The following EPHB1 variants were observed in gnomAD, a reference collection of about 807,000 sequenced individuals.
EPHB1 encodes the protein ephrin type-B receptor 1.
A neutral mutation model predicts 94.4 loss-of-function variants in EPHB1; 30 were observed. The observed-to-expected ratio is 0.32, with a 90% CI of 0.24 to 0.43. EPHB1 has a LOEUF of 0.43. Ranked by LOEUF, EPHB1 falls within the 20% of genes least tolerant of loss-of-function variation. The pLI is 1.00. For missense variants in EPHB1, 1,055 were observed against 1,308.3 expected, an observed-to-expected ratio of 0.81 and a Z score of 2.99; for synonymous variants, 522 against 489.1, an observed-to-expected ratio of 1.07 and a Z score of -0.89.
chr3:135,239,420 A>C (rs1318492254), intron 12 of EPHB1, among the ~76,000 whole-genome samples: 1 of 152,118 alleles, frequency 6.6e-6, no homozygotes, highest in Non-Finnish European at 1.5e-5. Flanking sequence ...CTTTCAGTGG[A>C]GGCATGAAGT....
chr3:135,173,425 C>G (rs9866254), intron 9 of EPHB1, among the ~76,000 whole-genome samples: 6,859 of 152,174 alleles, frequency 0.045, 200 homozygotes, highest in Middle Eastern at 0.11. Context: ...GGGGCAGATC[C>G]CAAAAATGTG....
At chr3:135,112,448 T>C (rs970736217) in intron 4 of EPHB1, among the ~76,000 whole-genome samples, 2 of 152,092 alleles carry the variant, frequency 1.3e-5, no homozygotes, top group African/African-American at 4.8e-5. Context: ...AACGTGCAGG[T>C]TTGTTACATA....
intron 12 of EPHB1, among the ~76,000 whole-genome samples, chr3:135,214,099 C>T (rs978568631): frequency 1.3e-5 from 2 of 152,162 alleles, no homozygotes; most frequent in African/African-American, 4.8e-5. Flanking sequence ...CCGCCAGTTC[C>T]TCCTCCTCCT....
intron 3 of EPHB1, among the ~76,000 whole-genome samples, chr3:134,991,244 A>T (rs1934784993): frequency 6.6e-6 from 1 of 152,190 alleles, no homozygotes; most frequent in Non-Finnish European, 1.5e-5. Context: ...CCCAAGCCAC[A>T]GTTTAATTGC....
chr3:135,241,169 T>C lies in EPHB1; in HGVS notation c.2368T>C (p.Trp790Arg), dbSNP rs1407276446. ...SSLGGKIPVR[W>R]TAPEAIAYRK... ...TCAGGGAGGGAAGATCCCTGTGAGA[T>C]GGACAGCTCCAGAGGCCATCGCCTA... The change falls in exon 13 of 16, where the codon TGG (tryptophan) becomes CGG (arginine). Residue 790 changes from tryptophan (W) to arginine (R), a missense_variant. Coordinates refer to ENST00000398015, the MANE Select transcript of EPHB1 (RefSeq NM_004441.5). The C allele has an allele frequency of 6.2e-7, 1 of 1,614,136 alleles. No individual in the cohort carries two copies. Among genetic ancestry groups the C allele is most frequent in the South Asian group, 1.1e-5 (1 of 91,078 alleles).
At chr3:135,164,806 CAAAAAAAAA>C (rs59870139) in intron 7 of EPHB1, among the ~76,000 whole-genome samples, 2 of 86,408 alleles carry the variant, frequency 2.3e-5, no homozygotes, top group African/African-American at 4.7e-5. Flanking sequence ...AAGACTGTCT[CAAAAAAAAA>C]AAAAAAAAAA....
chr3:135,102,048 G>GGGGCTCCCAACTGCAGCAGTA (rs1939052963), intron 3 of EPHB1, among the ~76,000 whole-genome samples: 1 of 152,156 alleles, frequency 6.6e-6, no homozygotes, highest in African/African-American at 2.4e-5. Context: ...TGTTGAATGA[G>GGGGCTCCCAACTGCAGCAGTA]GGGCTCCCAA....
At chr3:134,993,750 T>G (rs1475240233) in intron 3 of EPHB1, among the ~76,000 whole-genome samples, 1 of 152,240 alleles carries the variant, frequency 6.6e-6, no homozygotes, top group Non-Finnish European at 1.5e-5. Context: ...CCCTTAAATG[T>G]CAGACTAGTC....
chr3:135,122,474 C>A (rs1158604170), intron 4 of EPHB1, among the ~76,000 whole-genome samples: 2 of 152,160 alleles, frequency 1.3e-5, no homozygotes, highest in African/African-American at 4.8e-5. Flanking sequence ...CCTTTCCACT[C>A]TTTGGCCCCA....
At chr3:135,052,955 A>ATATATG (rs1559810944) in intron 3 of EPHB1, among the ~76,000 whole-genome samples, 4 of 110,590 alleles carry the variant, frequency 3.6e-5, no homozygotes, top group African/African-American at 1.6e-4. Context: ...ATATATATAT[A>ATATATG]TGTGTGTATA....
chr3:134,973,565 G>A (rs748301940), intron 3 of EPHB1, among the ~76,000 whole-genome samples: 3 of 150,926 alleles, frequency 2.0e-5, no homozygotes, highest in Admixed American at 6.6e-5. Flanking sequence ...CTGAGTAGCC[G>A]GGATTACAGG....
chr3:135,188,202 AT>A (rs201781393), intron 10 of EPHB1, among the ~76,000 whole-genome samples: 38,544 of 150,090 alleles, frequency 0.26, 5,252 homozygotes, highest in East Asian at 0.46. Context: ...GTCTAAAAAA[AT>A]AAATAAATAA....
At chr3:135,149,200 T>C (rs139734223) in intron 5 of EPHB1, among the ~76,000 whole-genome samples, 1,791 of 152,356 alleles carry the variant, frequency 0.012, 23 homozygotes, top group Admixed American at 0.017. Context: ...GAAGGGTCCA[T>C]ATTTGTTTCT....
chr3:135,095,236 G>T (rs1251137755), intron 3 of EPHB1, among the ~76,000 whole-genome samples: 1 of 152,018 alleles, frequency 6.6e-6, no homozygotes, highest in Non-Finnish European at 1.5e-5. Context: ...GGCTTTCTGG[G>T]GTCAGCAGGA....
At chr3:134,804,843 A>T (rs2036006366) in intron 1 of EPHB1, among the ~76,000 whole-genome samples, 1 of 152,122 alleles carries the variant, frequency 6.6e-6, no homozygotes, top group African/African-American at 2.4e-5. Flanking sequence ...TGAGGAGAGA[A>T]ATCCCTCAGC....
At chr3:134,796,833 G>A (rs1183286776) in intron 1 of EPHB1, among the ~76,000 whole-genome samples, 1 of 152,268 alleles carries the variant, frequency 6.6e-6, no homozygotes, top group Non-Finnish European at 1.5e-5. Context: ...TCCAAGCCGG[G>A]GAGGAGCAGC....
intron 4 of EPHB1, among the ~76,000 whole-genome samples, chr3:135,121,438 G>C (rs1939958004): frequency 6.6e-6 from 1 of 152,256 alleles, no homozygotes; most frequent in African/African-American, 2.4e-5. Context: ...GAACTCTGTA[G>C]AAGTTCTGTC....
At position 135,132,917 on chromosome 3, in the gene EPHB1, T is replaced by G. The variant is rs777379495; in HGVS notation, c.1165T>G (p.Cys389Gly). The change falls in exon 5 of 16, where the codon TGC becomes GGC. Residue 389 changes from cysteine to glycine, a missense_variant. Coordinates refer to ENST00000398015, the MANE Select transcript of EPHB1 (RefSeq NM_004441.5). Reference sequence around the variant, plus strand: ...GCCCAGGCAGCTGGGCCTGACGGAGTGCCGCGTCTCCATCAGCAGCCTGTG... The same window carrying G: ...GCCCAGGCAGCTGGGCCTGACGGAGGGCCGCGTCTCCATCAGCAGCCTGTG... ...FVPRQLGLTE[C>G]RVSISSLWAH... 4.8e-5 allele frequency: 77 copies of G among 1,613,784 alleles called. No homozygotes were observed. The highest frequency in any genetic ancestry group is 6.4e-5 in the Non-Finnish European group (76 of 1,179,876).
At chr3:134,898,908 A>G (rs1274251405) in intron 1 of EPHB1, among the ~76,000 whole-genome samples, 3 of 152,200 alleles carry the variant, frequency 2.0e-5, no homozygotes, top group Non-Finnish European at 4.4e-5. Flanking sequence ...CCTACCCTGG[A>G]ACTCTGACTC....
Sources: gnomAD v4.1 joint callset for allele counts (sites outside exome capture counted in the v4.1 genomes callset) on GRCh38, gnomAD v4.1.1 for gene constraint, MANE v1.5 for transcripts, NCBI Gene and HGNC (gene_info 2026-07-23, HGNC 2026-07-21) for gene names.